The following KIF6 variants were observed in gnomAD, a reference collection of about 807,000 sequenced individuals.
The protein encoded by KIF6 is kinesin-like protein KIF6.
A neutral mutation model predicts 112.7 loss-of-function variants in KIF6; 106 were observed. The ratio of observed to expected loss-of-function variants is 0.94; its 90% CI spans 0.80 to 1.11. The LOEUF is 1.11. Among genes scored for constraint, KIF6 ranks in the 50% least tolerant of loss-of-function variants. The probability of loss-of-function intolerance (pLI) is 0.00; values close to 1 mark genes in which losing one functional copy is unlikely to be tolerated. For synonymous variants in KIF6, 339 were observed against 339.9 expected (o/e 1.00, Z 0.03); for missense variants, 929 against 964.0 (o/e 0.96, Z 0.48).
In KIF6 at chr6:39,406,127, C is replaced by A. The variant is rs1013482870; in HGVS notation, c.1810+13821G>T. ...AACCTCCGCCTGGGTTCAAGTGATT[C>A]TCGTGCCTCAGCTTCCCGAGTAGCT... is the stretch of plus-strand genomic sequence containing the variant. On this transcript the variant is annotated intron_variant, in intron 15 of 22. Transcript: ENST00000287152. Among the ~76,000 whole-genome samples, 18 of 152,118 alleles carry A rather than the reference C, an allele frequency of 1.2e-4. 1 individual carries two copies. Among genetic ancestry groups the A allele is most frequent in the Non-Finnish European group, 1.9e-4 (13 of 68,012 alleles).
At chr6:39,433,328 C>T (rs770961055) in intron 13 of KIF6, among the ~76,000 whole-genome samples, 2 of 152,232 alleles carry the variant, frequency 1.3e-5, no homozygotes, top group African/African-American at 4.8e-5. Context: ...AGGAGACAAG[C>T]GCAGGCAGTT....
intron 15 of KIF6, among the ~76,000 whole-genome samples, chr6:39,416,627 C>G (rs1769943098): frequency 6.6e-6 from 1 of 152,106 alleles, no homozygotes; most frequent in Non-Finnish European, 1.5e-5. Context: ...GGGTTGGCTT[C>G]TTTTAAGAGA....
chr6:39,646,340 A>G lies in KIF6; in HGVS notation c.252-6583T>C, dbSNP rs1348664040. ...AAAAAAAAAGAAACAAAATATAGTA[A>G]TAGGATCATGGATTTTATAATTGAT... On this transcript the variant is annotated intron_variant, in intron 3 of 22. Transcript: ENST00000287152. Among the ~76,000 whole-genome samples the G allele has an allele frequency of 2.0e-5, 3 of 152,096 alleles. No individual in the cohort carries two copies. In the East Asian group the frequency reaches 5.8e-4, roughly 29 times the overall value.
intron 3 of KIF6, among the ~76,000 whole-genome samples, chr6:39,669,687 C>T (rs554216582): frequency 9.9e-5 from 15 of 152,272 alleles, no homozygotes; most frequent in Non-Finnish European, 2.2e-4. Context: ...AAGTACTGTT[C>T]CCCGGAATAG....
At chr6:39,579,788 G>T (rs1582184386) in intron 9 of KIF6, among the ~76,000 whole-genome samples, 1 of 151,736 alleles carries the variant, frequency 6.6e-6, no homozygotes, top group African/African-American at 2.4e-5. Context: ...AACCATACAA[G>T]ATTTGCTATT....
At chr6:39,495,499 C>T (rs948585793) in intron 13 of KIF6, among the ~76,000 whole-genome samples, 5 of 152,124 alleles carry the variant, frequency 3.3e-5, no homozygotes, top group Non-Finnish European at 7.4e-5. Context: ...CCCTCTTTCC[C>T]CAGGGGCCAC....
chr6:39,449,358 C>A (rs1412154438), intron 13 of KIF6, among the ~76,000 whole-genome samples: 1 of 152,206 alleles, frequency 6.6e-6, no homozygotes, highest in Non-Finnish European at 1.5e-5. Context: ...CATGCCACAC[C>A]CAGGTATTCT....
chr6:39,336,771 CCT>C (rs1762928706), intron 22 of KIF6, among the ~76,000 whole-genome samples: 1 of 151,782 alleles, frequency 6.6e-6, no homozygotes, highest in Non-Finnish European at 1.5e-5. Context: ...GAGACTGACG[CCT>C]GTTTTCCTAC....
intron 12 of KIF6, 35 bp downstream of exon 12, chr6:39,544,520 T>C (rs945265590): frequency 1.2e-5 from 20 of 1,601,132 alleles, no homozygotes; most frequent in Admixed American, 1.7e-5. Context: ...CAAACCAGGA[T>C]AGAGGAAGTT....
At chr6:39,379,454 C>T (rs1267605956) in intron 16 of KIF6, among the ~76,000 whole-genome samples, 3 of 152,200 alleles carry the variant, frequency 2.0e-5, no homozygotes, top group Non-Finnish European at 4.4e-5. Context: ...AATTTGACTG[C>T]ACCCACCTTT....
intron 5 of KIF6, among the ~76,000 whole-genome samples, chr6:39,628,999 G>T (rs1427934765): frequency 6.6e-6 from 1 of 152,058 alleles, no homozygotes; most frequent in Non-Finnish European, 1.5e-5. Flanking sequence ...TCTTTTTGTG[G>T]CTTAATAGCT....
intron 10 of KIF6, chr6:39,554,390 G>T: frequency 6.3e-6 from 1 of 158,812 alleles, no homozygotes. Flanking sequence ...TGGTGAACAA[G>T]GAGGCATGGA....
intron 13 of KIF6, among the ~76,000 whole-genome samples, chr6:39,460,998 T>A (rs1056034269): frequency 1.3e-5 from 2 of 152,248 alleles, no homozygotes; most frequent in African/African-American, 4.8e-5. Context: ...GGAAAAATTA[T>A]TAACTTCATT....
intron 13 of KIF6, among the ~76,000 whole-genome samples, chr6:39,510,067 G>A (rs576755317): frequency 1.4e-3 from 206 of 151,882 alleles, no homozygotes; most frequent in African/African-American, 4.9e-3. Context: ...AGAGAGTGGG[G>A]GCCAATATTC....
chr6:39,437,497 G>C (rs148360542), intron 13 of KIF6, among the ~76,000 whole-genome samples: 1 of 152,154 alleles, frequency 6.6e-6, no homozygotes, highest in Non-Finnish European at 1.5e-5. Context: ...GATGCTTAAC[G>C]TCTTTCCTTC....
At chr6:39,452,688 A>G (rs910317021) in intron 13 of KIF6, among the ~76,000 whole-genome samples, 3 of 152,242 alleles carry the variant, frequency 2.0e-5, no homozygotes, top group African/African-American at 7.2e-5. Context: ...CATTTTTATT[A>G]AAAGAGCAGG....
At chr6:39,676,062 G>GAA (rs3048078) in intron 3 of KIF6, among the ~76,000 whole-genome samples, 124,204 of 145,626 alleles carry the variant, frequency 0.85, 53,222 homozygotes, top group East Asian at 0.93. Flanking sequence ...AGGAAATATG[G>GAA]AAAAAAAAAA....
intron 3 of KIF6, among the ~76,000 whole-genome samples, chr6:39,659,657 C>T (rs542486376): frequency 1.6e-4 from 25 of 152,306 alleles, no homozygotes; most frequent in African/African-American, 4.3e-4. Flanking sequence ...GCTTTTCCCC[C>T]TTTGCTTGGC....
chr6:39,507,702 TCCTCCCTCCCTCCCTGCCTC>T (rs1776519447), intron 13 of KIF6, among the ~76,000 whole-genome samples: 1 of 110,542 alleles, frequency 9.0e-6, no homozygotes, highest in Non-Finnish European at 1.9e-5. Context: ...CTTCCTTCCT[TCCTCCCTCCCTCCCTGCCTC>T]CCTTCCTTCC....
Sources: gnomAD v4.1 joint callset for allele counts (sites outside exome capture counted in the v4.1 genomes callset) on GRCh38, gnomAD v4.1.1 for gene constraint, MANE v1.5 for transcripts, NCBI Gene and HGNC (gene_info 2026-07-23, HGNC 2026-07-21) for gene names.